The following TRNT1 variants were observed in gnomAD, a reference collection of about 807,000 sequenced individuals.
TRNT1 encodes the protein tRNA nucleotidyl transferase 1.
Under a neutral mutation model 45.6 loss-of-function variants are expected in TRNT1, and 44 were observed. The observed-to-expected ratio is 0.97, with a 90% confidence interval of 0.76 to 1.24. The LOEUF is 1.24. Ranked by LOEUF, TRNT1 falls within the 50% of genes most tolerant of loss-of-function variation. The pLI is 0.00. For missense variants in TRNT1, 633 were observed against 504.4 expected (o/e 1.25, Z -2.44); for synonymous variants, 201 against 171.4 (o/e 1.17, Z -1.35).
At chr3:3,136,258 C>T (rs1705319809) in intron 2 of TRNT1, among the ~76,000 whole-genome samples, 1 of 152,108 alleles carries the variant, frequency 6.6e-6, no homozygotes, top group Non-Finnish European at 1.5e-5. Context: ...ACCACAGACC[C>T]CAGGGCCTAA....
rs772980065 is a variant in TRNT1, at chr3:3,146,450, A to G, written c.629A>G (p.Asp210Gly). Residue 210 changes from aspartate to glycine, a missense_variant, in exon 6 of 8, where the codon GAC (aspartate) becomes GGC (glycine). Coordinates refer to ENST00000251607, the MANE Select transcript of TRNT1 (RefSeq NM_182916.3). ...TGTAGGTTTTATGGGAGAATTGTAGACAAACCTGGTGACCATGATCCTGAG... is the reference window on the plus strand; with the variant it reads ...TGTAGGTTTTATGGGAGAATTGTAGGCAAACCTGGTGACCATGATCCTGAG... ...RYFRFYGRIV[D>G]KPGDHDPETL... The G allele has an allele frequency of 8.1e-6, 13 of 1,612,214 alleles. No individual in the cohort carries two copies. Among genetic ancestry groups the G allele is most frequent in the Non-Finnish European group, 1.0e-5 (12 of 1,179,418 alleles).
At position 3,147,903 on chromosome 3, in the gene TRNT1, T is replaced by C. The variant is rs753224721; in HGVS notation, c.1057-3T>C. The stretch of plus-strand genomic sequence containing the variant: ...AAACTAAATGTTTGATTTTGACACG[T>C]AGTCTAGGGAACCTGATGCAACTAC... On this transcript the variant is annotated splice_region_variant and splice_polypyrimidine_tract_variant and intron_variant, in intron 7 of 7. Transcript: ENST00000251607. 1.9e-6 allele frequency: 3 copies of C among 1,604,298 alleles called. No homozygotes were observed. Among genetic ancestry groups the C allele is most frequent in the Non-Finnish European group, 2.6e-6 (3 of 1,175,364 alleles).
chr3:3,127,678 G>T (rs905446708), intron 1 of TRNT1: 4 of 152,262 alleles, frequency 2.6e-5, no homozygotes, highest in Non-Finnish European at 5.9e-5. Context: ...TCGAGTGCAG[G>T]TGGGGAAGTA....
intron 4 of TRNT1, among the ~76,000 whole-genome samples, chr3:3,143,724 A>C (rs1413526399): frequency 6.6e-6 from 1 of 152,156 alleles, no homozygotes; most frequent in Non-Finnish European, 1.5e-5. Flanking sequence ...CTAAAAATAC[A>C]AAAATTAGCT....
intron 3 of TRNT1, among the ~76,000 whole-genome samples, 166 bp from the exon 4 acceptor site, chr3:3,140,344 A>G (rs1705569819): frequency 6.6e-6 from 1 of 152,208 alleles, no homozygotes; most frequent in Non-Finnish European, 1.5e-5. Context: ...TAATGTGGAT[A>G]TCTTTCTGTT....
downstream of TRNT1, among the ~76,000 whole-genome samples, chr3:3,151,502 A>AAAAACTGC (rs3840225): frequency 6.6e-6 from 1 of 151,800 alleles, no homozygotes; most frequent in Non-Finnish European, 1.5e-5. Context: ...GTAAATATTT[A>AAAAACTGC]TATTCTAAAA....
chr3:3,128,090 T>A (rs2125999570), intron 1 of TRNT1: 1 of 152,228 alleles, frequency 6.6e-6, no homozygotes, highest in East Asian at 1.9e-4. Context: ...ACCCATAAGA[T>A]CTGAGTCCTG....
In TRNT1 at chr3:3,146,449, GACAA is replaced by G; in HGVS notation, c.631_634del (p.Lys211LeufsTer31). On this transcript the variant is annotated frameshift_variant, in exon 6 of 8. Coordinates refer to ENST00000251607, the MANE Select transcript of TRNT1 (RefSeq NM_182916.3). LOFTEE classifies it high-confidence loss of function. ...TTGTAGGTTTTATGGGAGAATTGTA[GACAA>G]ACCTGGTGACCATGATCCTGAGACT... is the stretch of plus-strand genomic sequence containing the variant. The G allele has an allele frequency of 6.2e-7, 1 of 1,612,114 alleles. No homozygotes were observed. The highest frequency in any genetic ancestry group is 8.5e-7 in the Non-Finnish European group (1 of 1,179,376).
At chr3:3,151,096 G>GC (rs1480176737), downstream of TRNT1, 1 of 1,581,972 alleles carries the variant, frequency 6.3e-7, no homozygotes, top group Admixed American at 1.7e-5. Context: ...TGTACTCCAA[G>GC]CCTATCATAT....
intron 4 of TRNT1, 35 bp from the exon 5 acceptor site, chr3:3,144,549 A>C (rs368641529): frequency 9.0e-6 from 14 of 1,555,216 alleles, no homozygotes; most frequent in Admixed American, 3.8e-5. Flanking sequence ...TTATTTGCCA[A>C]TAGTGATTTT....
chr3:3,137,901 C>T (rs75904757), intron 3 of TRNT1, among the ~76,000 whole-genome samples: 2,910 of 152,228 alleles, frequency 0.019, 83 homozygotes, highest in African/African-American at 0.066. Context: ...ATTGTGATGA[C>T]ATTTCTTCTA....
rs368123308 is a variant in TRNT1 at position 3,145,490 on chromosome 3, G to C, written c.608+780G>C. 3.8e-5 allele frequency: 5 copies of C among 131,458 alleles called. No individual in the cohort carries two copies. The South Asian group carries it at 1.1e-3, about 29-fold the overall frequency. 8.1% of individuals were successfully genotyped at this position (131,458 alleles called of 1,614,324 possible). A position where few individuals can be genotyped will look rare whatever the true frequency, so the allele number is the denominator to read the frequency against. On this transcript the variant is annotated intron_variant, in intron 5 of 7. Transcript: ENST00000251607. ...CGCACTCCAGCCTGGGCGACAGAGCGAGACTCCATCTCAAAAAAAAAAAAA... is the reference window on the plus strand; with the variant it reads ...CGCACTCCAGCCTGGGCGACAGAGCCAGACTCCATCTCAAAAAAAAAAAAA...
downstream of TRNT1, chr3:3,150,993 T>C: frequency 1.2e-6 from 2 of 1,614,044 alleles, no homozygotes; most frequent in Non-Finnish European, 1.7e-6. Flanking sequence ...GCCGTAAACT[T>C]CCATCCAATA....
intron 2 of TRNT1, chr3:3,130,105 C>T: frequency 1.3e-6 from 1 of 771,864 alleles, no homozygotes; most frequent in African/African-American, 1.7e-5. Flanking sequence ...GCTAAAGCAG[C>T]CACACAGTAG....
At position 3,137,466 on chromosome 3, in the gene TRNT1, T is replaced by C; in HGVS notation, c.342+13T>C. The C allele has an allele frequency of 6.3e-7, 1 of 1,586,132 alleles. No individual in the cohort carries two copies. Among genetic ancestry groups the C allele is most frequent in the Non-Finnish European group, 8.6e-7 (1 of 1,168,354 alleles). ...AATTACTGCCAGGGTGAGTCAAAAGTTTGACAGGTAATTACATTGCTTTTT... is the reference window on the plus strand; with the variant it reads ...AATTACTGCCAGGGTGAGTCAAAAGCTTGACAGGTAATTACATTGCTTTTT... On this transcript the variant is annotated intron_variant, in intron 3 of 7. Transcript: ENST00000251607.
In TRNT1 at chr3:3,140,072, G is replaced by A. The variant is rs371933460; in HGVS notation, c.343-438G>A. On this transcript the variant is annotated intron_variant, in intron 3 of 7. Coordinates refer to ENST00000251607, the MANE Select transcript of TRNT1 (RefSeq NM_182916.3). ...GGGATTATCAGTAAGGGAGTTGCAA[G>A]ATCTGTTAACTGTACTTATTCTTTA... Among the ~76,000 whole-genome samples, 66 of 152,346 alleles carry A rather than the reference G, an allele frequency of 4.3e-4. 1 individual carries two copies. The South Asian group carries it at 0.013, about 31-fold the overall frequency.
intron 6 of TRNT1, 43 bp from the exon 7 acceptor site, chr3:3,147,407 T>A: frequency 1.2e-6 from 2 of 1,601,326 alleles, no homozygotes; most frequent in Non-Finnish European, 1.7e-6. Context: ...AGTGGTTTTT[T>A]ATCCCCACTA....
chr3:3,143,852 C>T (rs1227881860), intron 4 of TRNT1, among the ~76,000 whole-genome samples: 1 of 152,042 alleles, frequency 6.6e-6, no homozygotes, highest in South Asian at 2.1e-4. Context: ...AGTGAGAATC[C>T]GCCTCAAAGA....
intron 2 of TRNT1, 82 bp downstream of exon 2, chr3:3,129,270 G>T: frequency 1.6e-6 from 2 of 1,240,548 alleles, no homozygotes; most frequent in Non-Finnish European, 2.3e-6. Context: ...GCCAGCATTC[G>T]GATATTTTCA....
Sources: gnomAD v4.1 joint callset for allele counts (sites outside exome capture counted in the v4.1 genomes callset) on GRCh38, gnomAD v4.1.1 for gene constraint, MANE v1.5 for transcripts, NCBI Gene and HGNC (gene_info 2026-07-23, HGNC 2026-07-21) for gene names.